Variants in TMEM108 observed in about 807,000 individuals in gnomAD.
TMEM108 encodes the protein cancer/testis antigen 124.
A neutral mutation model predicts 35.1 loss-of-function variants in TMEM108; 12 were observed. The ratio of observed to expected loss-of-function variants is 0.34; its 90% CI spans 0.22 to 0.55. The LOEUF (loss-of-function observed/expected upper bound fraction) is 0.55. TMEM108 is among the 20% of genes least tolerant of loss of function. The pLI is 0.89. For missense variants in TMEM108, 680 were observed against 753.3 expected, an observed-to-expected ratio of 0.90 and a Z score of 1.14; for synonymous variants, 287 against 308.6, an observed-to-expected ratio of 0.93 and a Z score of 0.73.
intron 3 of TMEM108, among the ~76,000 whole-genome samples, chr3:133,359,284 T>TTAAG (rs2072272195): frequency 6.6e-6 from 1 of 152,188 alleles, no homozygotes. Context: ...TTCCAGGACT[T>TTAAG]CTTAGAGTTT....
intron 2 of TMEM108, among the ~76,000 whole-genome samples, chr3:133,082,886 T>C (rs374777003): frequency 6.6e-6 from 1 of 152,106 alleles, no homozygotes; most frequent in East Asian, 1.9e-4. Flanking sequence ...ACTCCTGGGT[T>C]CAAGCAATCC....
At chr3:133,358,872 G>A (rs1193912981) in intron 3 of TMEM108, among the ~76,000 whole-genome samples, 4 of 152,084 alleles carry the variant, frequency 2.6e-5, no homozygotes, top group African/African-American at 7.2e-5. Context: ...AGCATGTAGG[G>A]AGAAAGCAAC....
rs113518437 is a variant in TMEM108, at chr3:133,338,941, C to T, written c.41-40811C>T. Reference sequence around the variant, plus strand: ...TGCAAGCCTCATGGTAGCCTCAAATCAAAAAGCTAATGGATACACAAAAAA... The same window carrying T: ...TGCAAGCCTCATGGTAGCCTCAAATTAAAAAGCTAATGGATACACAAAAAA... On this transcript the variant is annotated intron_variant, in intron 3 of 5. Transcript: ENST00000321871. 2.3e-3 allele frequency among the ~76,000 whole-genome samples: 352 copies of T among 151,624 alleles called. 2 individuals carry two copies. The highest frequency in any genetic ancestry group is 8.0e-3 in the African/African-American group (330 of 41,426).
At chr3:133,091,433 A>G (rs1943945644) in intron 2 of TMEM108, among the ~76,000 whole-genome samples, 1 of 152,206 alleles carries the variant, frequency 6.6e-6, no homozygotes, top group Non-Finnish European at 1.5e-5. Context: ...TGTCTACTTA[A>G]TGCACATCTG....
intron 3 of TMEM108, among the ~76,000 whole-genome samples, chr3:133,308,548 T>G (rs973565743): frequency 3.3e-5 from 5 of 152,264 alleles, no homozygotes; most frequent in African/African-American, 1.2e-4. Context: ...AATACCTAGT[T>G]TATTGAGAGT....
At chr3:133,205,371 A>G (rs1428242483) in intron 2 of TMEM108, among the ~76,000 whole-genome samples, 1 of 152,074 alleles carries the variant, frequency 6.6e-6, no homozygotes, top group East Asian at 1.9e-4. Context: ...TATTTTGCCC[A>G]TTAGTTGATG....
chr3:133,042,815 A>G (rs143319364), intron 1 of TMEM108, among the ~76,000 whole-genome samples: 136 of 152,310 alleles, frequency 8.9e-4, no homozygotes, highest in African/African-American at 3.1e-3. Context: ...CAAGCTCAGG[A>G]CTCAATATAG....
intron 2 of TMEM108, among the ~76,000 whole-genome samples, chr3:133,152,087 T>G (rs1156260339): frequency 6.6e-6 from 1 of 152,164 alleles, no homozygotes; most frequent in Non-Finnish European, 1.5e-5. Context: ...TGAATGAGCT[T>G]CATCAGTTGA....
chr3:133,167,626 C>A (rs1945062117), intron 2 of TMEM108, among the ~76,000 whole-genome samples: 1 of 152,246 alleles, frequency 6.6e-6, no homozygotes, highest in African/African-American at 2.4e-5. Context: ...TCTGCAGCTG[C>A]TGGCCCAGGT....
chr3:133,075,152 G>A (rs1381932055), intron 2 of TMEM108, among the ~76,000 whole-genome samples: 2 of 152,100 alleles, frequency 1.3e-5, no homozygotes, highest in Admixed American at 6.5e-5. Flanking sequence ...ATGCTCACTC[G>A]ATTCCCTCAA....
intron 2 of TMEM108, among the ~76,000 whole-genome samples, chr3:133,165,836 A>G (rs1945029219): frequency 6.6e-6 from 1 of 152,234 alleles, no homozygotes; most frequent in African/African-American, 2.4e-5. Flanking sequence ...ATTAGACAAA[A>G]TGCATGTAAC....
chr3:133,390,761 A>G (rs1229093333), intron 5 of TMEM108, among the ~76,000 whole-genome samples: 2 of 152,104 alleles, frequency 1.3e-5, no homozygotes, highest in African/African-American at 4.8e-5. Context: ...CAGACGAGTT[A>G]TAGACAAAGA....
chr3:133,195,600 G>T (rs1246156389), intron 2 of TMEM108, among the ~76,000 whole-genome samples: 2 of 152,128 alleles, frequency 1.3e-5, no homozygotes, highest in Non-Finnish European at 2.9e-5. Context: ...CTCCTAGATG[G>T]GTAAGCTCCT....
At chr3:133,122,966 T>C (rs1438680616) in intron 2 of TMEM108, among the ~76,000 whole-genome samples, 4 of 152,156 alleles carry the variant, frequency 2.6e-5, no homozygotes. Flanking sequence ...TCCTTAAAGG[T>C]AACCACTGTT....
At chr3:133,395,209 T>C (rs2073287759) in intron 5 of TMEM108, among the ~76,000 whole-genome samples, 1 of 152,224 alleles carries the variant, frequency 6.6e-6, no homozygotes, top group Non-Finnish European at 1.5e-5. Context: ...CATCTGTCAC[T>C]TATTATGCAG....
At chr3:133,312,507 A>C (rs1559901222) in intron 3 of TMEM108, among the ~76,000 whole-genome samples, 1 of 152,364 alleles carries the variant, frequency 6.6e-6, no homozygotes, top group East Asian at 1.9e-4. Context: ...ACTAGCTGTG[A>C]GCAAGGCTCT....
chr3:133,329,915 C>G (rs1205234751), intron 3 of TMEM108, among the ~76,000 whole-genome samples: 4 of 152,086 alleles, frequency 2.6e-5, no homozygotes, highest in Non-Finnish European at 4.4e-5. Flanking sequence ...AGGATTAAGT[C>G]TAAAATCTCC....
chr3:133,124,083 T>C (rs1439845660), intron 2 of TMEM108, among the ~76,000 whole-genome samples: 1 of 152,196 alleles, frequency 6.6e-6, no homozygotes, highest in Non-Finnish European at 1.5e-5. Context: ...CTTCTCCACC[T>C]ATATGGATTA....
At chr3:133,301,458 A>G (rs1419886871) in intron 3 of TMEM108, among the ~76,000 whole-genome samples, 1 of 152,202 alleles carries the variant, frequency 6.6e-6, no homozygotes, top group East Asian at 1.9e-4. Flanking sequence ...CACAGTGGGC[A>G]TTGCTGAAAA....
Sources: gnomAD v4.1 joint callset for allele counts (sites outside exome capture counted in the v4.1 genomes callset) on GRCh38, gnomAD v4.1.1 for gene constraint, MANE v1.5 for transcripts, NCBI Gene and HGNC (gene_info 2026-07-23, HGNC 2026-07-21) for gene names.